The following NAT1 variants were observed in gnomAD, a reference collection of about 807,000 sequenced individuals.
The protein encoded by NAT1 is arylamine N-acetyltransferase 1.
For synonymous variants in NAT1, 144 were observed against 122.6 expected (o/e 1.17, Z -1.16); for missense variants, 400 against 339.2 (o/e 1.18, Z -1.41).
chr8:18,175,301 C>T (rs1802253601), intron 2 of NAT1, among the ~76,000 whole-genome samples: 1 of 151,976 alleles, frequency 6.6e-6, no homozygotes. Flanking sequence ...CAACCAATCA[C>T]TAAATCTGAT....
chr8:18,204,325 T>G (rs1481057122), intron 2 of NAT1, among the ~76,000 whole-genome samples: 1 of 152,176 alleles, frequency 6.6e-6, no homozygotes, highest in Non-Finnish European at 1.5e-5. Flanking sequence ...TATACAGCCT[T>G]CACTTGGGTG....
At chr8:18,186,481 T>C (rs1467762193) in intron 2 of NAT1, among the ~76,000 whole-genome samples, 1 of 152,134 alleles carries the variant, frequency 6.6e-6, no homozygotes, top group African/African-American at 2.4e-5. Flanking sequence ...TTGTGTTTAA[T>C]ATCGCTACAC....
chr8:18,172,618 C>T (rs1202613680), intron 2 of NAT1, among the ~76,000 whole-genome samples: 3 of 152,160 alleles, frequency 2.0e-5, no homozygotes, highest in African/African-American at 7.2e-5. Flanking sequence ...CTTGGCTCAG[C>T]TCAGTGGTAA....
At chr8:18,176,217 T>C (rs1802289172) in intron 2 of NAT1, among the ~76,000 whole-genome samples, 1 of 152,128 alleles carries the variant, frequency 6.6e-6, no homozygotes, top group Non-Finnish European at 1.5e-5. Context: ...TTGAATGTGA[T>C]CCCAATTTGT....
intron 2 of NAT1, among the ~76,000 whole-genome samples, chr8:18,197,093 G>A (rs913582145): frequency 6.6e-6 from 1 of 152,088 alleles, no homozygotes; most frequent in Non-Finnish European, 1.5e-5. Flanking sequence ...AAAGCCATCA[G>A]CTCTCATGAG....
intron 2 of NAT1, among the ~76,000 whole-genome samples, chr8:18,178,097 A>G (rs1488319373): frequency 6.6e-6 from 1 of 152,076 alleles, no homozygotes. Flanking sequence ...GGACAGAGGG[A>G]GGGAGATGGG....
At chr8:18,172,495 A>G (rs1802135975) in intron 2 of NAT1, among the ~76,000 whole-genome samples, 1 of 152,072 alleles carries the variant, frequency 6.6e-6, no homozygotes. Flanking sequence ...ATTCTCCCTC[A>G]TGCAATCCAT....
intron 2 of NAT1, among the ~76,000 whole-genome samples, chr8:18,180,940 T>A (rs1802485122): frequency 6.6e-6 from 1 of 152,170 alleles, no homozygotes; most frequent in Non-Finnish European, 1.5e-5. Context: ...GCTAATGTGA[T>A]GCTTCTAGTT....
intron 1 of NAT1, among the ~76,000 whole-genome samples, chr8:18,214,509 A>G (rs1043208990): frequency 6.6e-6 from 1 of 152,150 alleles, no homozygotes; most frequent in African/African-American, 2.4e-5. Flanking sequence ...TTTCTCTTTC[A>G]TGAAATATTT....
rs369445676 is a variant in NAT1, at chr8:18,202,897, C to A, written n.93-6884C>A. Among the ~76,000 whole-genome samples, 33 of 152,282 alleles carry A rather than the reference C, an allele frequency of 2.2e-4. No homozygotes were observed. The East Asian group carries it at 6.0e-3, about 28-fold the overall frequency. Reference sequence around the variant, plus strand: ...TTATTCCCTTATTTGGTCCCACACACGTCCTGCTGATTGGTCCATTTTAGA... The same window carrying A: ...TTATTCCCTTATTTGGTCCCACACAAGTCCTGCTGATTGGTCCATTTTAGA... On this transcript the variant is annotated intron_variant and non_coding_transcript_variant, in intron 2 of 4. Transcript: ENST00000517441.
intron 2 of NAT1, among the ~76,000 whole-genome samples, chr8:18,193,295 G>A (rs1358052872): frequency 2.7e-5 from 4 of 148,816 alleles, no homozygotes; most frequent in Non-Finnish European, 5.9e-5. Context: ...TGGTCAAGCT[G>A]GTCTCCAACT....
chr8:18,207,420 A>G (rs1410548672), upstream of NAT1, among the ~76,000 whole-genome samples: 1 of 152,100 alleles, frequency 6.6e-6, no homozygotes. Flanking sequence ...GAAGAATGTC[A>G]GTATGTCAGT....
intron 2 of NAT1, among the ~76,000 whole-genome samples, chr8:18,184,134 C>T (rs1802635602): frequency 6.6e-6 from 1 of 152,198 alleles, no homozygotes; most frequent in African/African-American, 2.4e-5. Context: ...AAGTCTCTGC[C>T]TGGGCCCCAT....
chr8:18,172,424 T>A (rs535199123), intron 2 of NAT1, among the ~76,000 whole-genome samples: 1 of 152,308 alleles, frequency 6.6e-6, no homozygotes, highest in African/African-American at 2.4e-5. Context: ...ACTAGCTGGG[T>A]TGATTCTTTC....
At chr8:18,213,030 A>G (rs1804258609) in intron 1 of NAT1, among the ~76,000 whole-genome samples, 1 of 150,646 alleles carries the variant, frequency 6.6e-6, no homozygotes, top group South Asian at 2.1e-4. Context: ...TTAGCCTCTC[A>G]AATAGCTGGG....
At chr8:18,221,986 T>C in intron 2 of NAT1, 56 bp from the exon 3 acceptor site, 1 of 1,534,764 alleles carries the variant, frequency 6.5e-7, no homozygotes, top group Non-Finnish European at 8.8e-7. Flanking sequence ...ATTAGCCTAC[T>C]CAAATCCAAG....
chr8:18,213,175 G>C (rs1200220538), intron 1 of NAT1, among the ~76,000 whole-genome samples: 2 of 151,632 alleles, frequency 1.3e-5, no homozygotes, highest in Non-Finnish European at 2.9e-5. Context: ...GCCTCCCAAA[G>C]CGCTGGGATG....
At chr8:18,209,306 A>G (rs1003969515), upstream of NAT1, among the ~76,000 whole-genome samples, 1 of 152,282 alleles carries the variant, frequency 6.6e-6, no homozygotes, top group Non-Finnish European at 1.5e-5. Flanking sequence ...CCGAAGGCAC[A>G]GCACAAGGAA....
intron 2 of NAT1, among the ~76,000 whole-genome samples, chr8:18,191,760 T>C (rs1246660761): frequency 2.6e-5 from 4 of 151,986 alleles, no homozygotes; most frequent in African/African-American, 9.7e-5. Context: ...ATTTAATAAA[T>C]GGTGCTGGGA....
Sources: gnomAD v4.1 joint callset for allele counts (sites outside exome capture counted in the v4.1 genomes callset) on GRCh38, gnomAD v4.1.1 for gene constraint, MANE v1.5 for transcripts, NCBI Gene and HGNC (gene_info 2026-07-23, HGNC 2026-07-21) for gene names.